Variants in KRR1 observed in about 807,000 individuals in gnomAD.
KRR1 encodes the protein KRR1 small subunit processome component, also known as KRR1 small subunit processome component homolog.
In KRR1, 23 loss-of-function variants were observed where a neutral mutation model predicts 50.0. That is an observed-to-expected ratio of 0.46 (90% CI 0.33 to 0.65). The LOEUF (loss-of-function observed/expected upper bound fraction) is 0.65, where lower values mean the gene tolerates loss of function less well. Ranked by LOEUF, KRR1 falls within the 30% of genes least tolerant of loss-of-function variation. The probability of loss-of-function intolerance (pLI) is 0.02; values close to 1 mark genes in which losing one functional copy is unlikely to be tolerated. For missense variants in KRR1, 419 were observed against 442.4 expected, an observed-to-expected ratio of 0.95 and a Z score of 0.47; for synonymous variants, 133 against 146.3, an observed-to-expected ratio of 0.91 and a Z score of 0.66.
chr12:75,499,811 AC>A lies in KRR1; in HGVS notation c.1143del (p.Lys381AsnfsTer8). 6.3e-7 allele frequency: 1 copy of A among 1,597,006 alleles called. No individual in the cohort carries two copies. Among genetic ancestry groups the A allele is most frequent in the South Asian group, 1.1e-5 (1 of 87,912 alleles). The part of the protein sequence containing the change: ...EADEKKKKKK[K>X] ...CTAGTCAAGGAGTTTTGGGTATGTT[AC>A]TTTTTTTTCTTCTTTTTCTTTTCAT... is the stretch of plus-strand genomic sequence containing the variant. On this transcript the variant is annotated frameshift_variant, in exon 10 of 10. Transcript: ENST00000229214. LOFTEE classifies it high-confidence loss of function.
Position 75,498,790 on chromosome 12 carries a change from ATGT to A in KRR1, c.*1016_*1018del, listed in dbSNP as rs1450597723. ...TTCTGTCAGTGCATTATGAGGAACA[ATGT>A]CTAAGAGGATATTCTATGTTTGTTT... On this transcript the variant is annotated 3_prime_UTR_variant, in exon 10 of 10. Coordinates refer to ENST00000229214, the MANE Select transcript of KRR1 (RefSeq NM_007043.7). The A allele has an allele frequency of 6.2e-7, 1 of 1,610,734 alleles. No homozygotes were observed. The highest frequency in any genetic ancestry group is 8.5e-7 in the Non-Finnish European group (1 of 1,177,318).
At chr12:75,503,173 G>A (rs1241048442) in intron 7 of KRR1, 1 of 152,116 alleles carries the variant, frequency 6.6e-6, no homozygotes, top group Non-Finnish European at 1.5e-5. Flanking sequence ...CGTGAGAGAA[G>A]AGGAAACAGA....
Position 75,491,172 on chromosome 12 carries a change from G to T in KRR1, c.*8637C>A, listed in dbSNP as rs1267179180. 1 of 133,682 alleles carries T rather than the reference G, an allele frequency of 7.5e-6. No homozygotes were observed. Among genetic ancestry groups the T allele is most frequent in the African/African-American group, 2.5e-5 (1 of 39,252 alleles). 8.3% of individuals were successfully genotyped at this position (133,682 alleles called of 1,614,324 possible). ...TTTAAGTGATTTTAATCATAAAAATGATAGATTGTTTATATAATGCTTACA... is the reference window on the plus strand; with the variant it reads ...TTTAAGTGATTTTAATCATAAAAATTATAGATTGTTTATATAATGCTTACA... On this transcript the variant is annotated 3_prime_UTR_variant, in exon 10 of 10. Coordinates refer to ENST00000229214, the MANE Select transcript of KRR1 (RefSeq NM_007043.7).
In KRR1 at chr12:75,505,229, A is replaced by G. The variant is rs777069443; in HGVS notation, c.629T>C (p.Met210Thr). 3 of 1,572,944 alleles carry G rather than the reference A, an allele frequency of 1.9e-6. No homozygotes were observed. Among genetic ancestry groups the G allele is most frequent in the Non-Finnish European group, 1.7e-6 (2 of 1,155,368 alleles). ...GTTATAAATTGGATGAATATTCTTCATAGTATCAAGGACTACTTTTCTAAC... is the reference window on the plus strand; with the variant it reads ...GTTATAAATTGGATGAATATTCTTCGTAGTATCAAGGACTACTTTTCTAAC... ...KEVRKVVLDT[M>T]KNIHPIYNIK... is the part of the protein sequence containing the mutation. The change falls in exon 6 of 10, where the codon ATG becomes ACG. Residue 210 changes from methionine to threonine, a missense_variant. By Grantham distance (81) the Met-to-Thr change is moderately conservative. Coordinates refer to ENST00000229214, the MANE Select transcript of KRR1 (RefSeq NM_007043.7).
chr12:75,495,785 G>C lies in KRR1; in HGVS notation c.*4024C>G, dbSNP rs1012437663. 5.1e-6 allele frequency: 3 copies of C among 592,148 alleles called. No individual in the cohort carries two copies. The African/African-American group carries it at 5.6e-5, about 11-fold the overall frequency. The allele number at this position is 592,148 out of a possible 1,614,324, so 36.7% of individuals were successfully genotyped here. ...TCTTCAAGGAAACTGGCATCAAGTA[G>C]CAATTAAACCAATGGCTTACTGTTC... On this transcript the variant is annotated 3_prime_UTR_variant, in exon 10 of 10. Transcript: ENST00000229214.
In KRR1 at chr12:75,508,353, A is replaced by T. The variant is rs1182219021; in HGVS notation, c.179T>A (p.Phe60Tyr). 1 of 1,613,804 alleles carries T rather than the reference A, an allele frequency of 6.2e-7. No homozygotes were observed. Among genetic ancestry groups the T allele is most frequent in the Non-Finnish European group, 8.5e-7 (1 of 1,179,832 alleles). ...NPRGLLEESS[F>Y]ATLFPKYREA... is the part of the protein sequence containing the mutation. Reference sequence around the variant, plus strand: ...CCTGTATTTTGGGAACAAAGTTGCGAAACTGCTCTCCTCCAAAAGTCCTCT... The same window carrying T: ...CCTGTATTTTGGGAACAAAGTTGCGTAACTGCTCTCCTCCAAAAGTCCTCT... The change falls in exon 2 of 10, where the codon TTC becomes TAC. Residue 60 changes from phenylalanine to tyrosine, a missense_variant. Physicochemically the swap from Phe to Tyr is conservative, Grantham distance 22 (BLOSUM62 3). Coordinates refer to ENST00000229214, the MANE Select transcript of KRR1 (RefSeq NM_007043.7).
At chr12:75,508,504 CA>C in intron 1 of KRR1, 58 bp from the exon 2 acceptor site, 2 of 1,287,960 alleles carry the variant, frequency 1.6e-6, no homozygotes, top group Non-Finnish European at 2.2e-6. Context: ...ACATACACAT[CA>C]CATTTTAACT....
rs1224237664 is a variant in KRR1 at position 75,498,489 on chromosome 12, A to C, written c.*1320T>G. ...ATAGTTTCCTTTTTATAAAAGGTTT[A>C]TAAAGTTTATGTAAAAAGTCAACTT... On this transcript the variant is annotated 3_prime_UTR_variant, in exon 10 of 10. Transcript: ENST00000229214. 4 of 510,966 alleles carry C rather than the reference A, an allele frequency of 7.8e-6. No individual in the cohort carries two copies. The highest frequency in any genetic ancestry group is 3.3e-5 in the South Asian group (1 of 30,214). The allele number at this position is 510,966 out of a possible 1,614,324, so 31.7% of individuals were successfully genotyped here. A position where few individuals can be genotyped will look rare whatever the true frequency, so the allele number is the denominator to read the frequency against.
chr12:75,498,712 A>G lies in KRR1; in HGVS notation c.*1097T>C. ...TTTACAGTTAACCGACAGCGAGACCAAGTCAAACGTACGTACATCAATCTT... is the reference window on the plus strand; with the variant it reads ...TTTACAGTTAACCGACAGCGAGACCGAGTCAAACGTACGTACATCAATCTT... On this transcript the variant is annotated 3_prime_UTR_variant, in exon 10 of 10. Transcript: ENST00000229214. 2 of 1,613,018 alleles carry G rather than the reference A, an allele frequency of 1.2e-6. No individual in the cohort carries two copies. The highest frequency in any genetic ancestry group is 1.7e-6 in the Non-Finnish European group (2 of 1,179,158).
chr12:75,501,626 G>T, intron 9 of KRR1, 97 bp downstream of exon 9: 1 of 768,616 alleles, frequency 1.3e-6, no homozygotes, highest in Non-Finnish European at 2.1e-6. Flanking sequence ...GAGAACTGAT[G>T]AAAAGATACA....
rs1334920394 is a variant in KRR1 at position 75,498,155 on chromosome 12, T to C, written c.*1654A>G. ...CAGAAGGCTAAAGGCAGTTGTGGAA[T>C]TTATTTCTTCCCAGTGCTCTGATTG... On this transcript the variant is annotated 3_prime_UTR_variant, in exon 10 of 10. Transcript: ENST00000229214. The C allele has an allele frequency of 1.3e-5, 2 of 152,286 alleles. No individual in the cohort carries two copies. The highest frequency in any genetic ancestry group is 2.9e-5 in the Non-Finnish European group (2 of 68,196). The allele number at this position is 152,286 out of a possible 1,614,324, so 9.4% of individuals were successfully genotyped here.
At position 75,506,616 on chromosome 12, in the gene KRR1, C is replaced by CAAAAAA. The variant is rs35071517; in HGVS notation, c.394-13_394-8dup. The CAAAAAA allele has an allele frequency of 7.6e-3, 10,285 of 1,355,288 alleles. 184 individuals are homozygous for CAAAAAA. The highest frequency in any genetic ancestry group is 0.014 in the South Asian group (929 of 64,398). 84.0% of individuals were successfully genotyped at this position (1,355,288 alleles called of 1,614,324 possible). A position where few individuals can be genotyped will look rare whatever the true frequency, so the allele number is the denominator to read the frequency against. ...CCTGAAGAATTCGTACTGCCTTTTGCAAAAAAAAAAAAAAAAAGAAGACAT... is the reference window on the plus strand; with the variant it reads ...CCTGAAGAATTCGTACTGCCTTTTGCAAAAAAAAAAAAAAAAAAAAAAAGAAGACAT... On this transcript the variant is annotated splice_polypyrimidine_tract_variant and splice_region_variant and intron_variant, in intron 3 of 9. Transcript: ENST00000229214.
chr12:75,501,850 T>C lies in KRR1; in HGVS notation c.910-34A>G, dbSNP rs369679719. 8.9e-6 allele frequency: 14 copies of C among 1,572,636 alleles called. No individual in the cohort carries two copies. The African/African-American group carries it at 1.8e-4, about 20-fold the overall frequency. ...ATAAATAAAAAATATATCAGTTAAA[T>C]GTATTTATAGTTAAATAATTCAAGT... On this transcript the variant is annotated intron_variant, in intron 8 of 9. Coordinates refer to ENST00000229214, the MANE Select transcript of KRR1 (RefSeq NM_007043.7).
chr12:75,509,734 A>T (rs1446186794), intron 1 of KRR1, among the ~76,000 whole-genome samples: 1 of 151,682 alleles, frequency 6.6e-6, no homozygotes, highest in East Asian at 1.9e-4. Flanking sequence ...CTGGTACTAC[A>T]GGCATGTGCC....
Position 75,508,423 on chromosome 12 carries a change from G to A in KRR1, c.109C>T (p.Pro37Ser). The A allele has an allele frequency of 1.2e-6, 2 of 1,604,550 alleles. No individual in the cohort carries two copies. The highest frequency in any genetic ancestry group is 1.7e-6 in the Non-Finnish European group (2 of 1,177,240). Residue 37 changes from proline (P) to serine (S), a missense_variant, in exon 2 of 10, where the codon CCT becomes TCT. Coordinates refer to ENST00000229214, the MANE Select transcript of KRR1 (RefSeq NM_007043.7). Reference protein sequence around the residue: ...NQDESELLTVPDGWKEPAFSK... With the variant: ...NQDESELLTVSDGWKEPAFSK... ...AAAGCTGGTTCCTTCCAACCATCAG[G>A]AACCGTAAGGAGTTCTGATTCATCT...
intron 9 of KRR1, chr12:75,500,506 TGTTA>T (rs2046385048): frequency 6.6e-6 from 1 of 151,914 alleles, no homozygotes; most frequent in Admixed American, 6.6e-5. Flanking sequence ...ATTCATTTAA[TGTTA>T]GATTAATTCA....
chr12:75,507,644 T>G (rs1051542512), intron 2 of KRR1, among the ~76,000 whole-genome samples: 4 of 151,942 alleles, frequency 2.6e-5, no homozygotes, highest in African/African-American at 9.7e-5. Context: ...CACAACCAAC[T>G]CCAGAGCAGT....
In KRR1 at chr12:75,495,996, C is replaced by T. The variant is rs1324867404; in HGVS notation, c.*3813G>A. 18 of 125,098 alleles carry T rather than the reference C, an allele frequency of 1.4e-4. 1 individual carries two copies. In the East Asian group the frequency reaches 2.2e-3, roughly 15 times the overall value. 7.7% of individuals were successfully genotyped at this position (125,098 alleles called of 1,614,324 possible). ...ATCCAAACAAACAGAATTCTGTTTT[C>T]GTTTTTTTTTTTGTTTTTTTTTTTT... is the stretch of plus-strand genomic sequence containing the variant. On this transcript the variant is annotated 3_prime_UTR_variant, in exon 10 of 10. Coordinates refer to ENST00000229214, the MANE Select transcript of KRR1 (RefSeq NM_007043.7).
At chr12:75,511,441 G>C in intron 1 of KRR1, 72 bp downstream of exon 1, 1 of 1,335,234 alleles carries the variant, frequency 7.5e-7, no homozygotes, top group Non-Finnish European at 1.1e-6. Context: ...ATAAGTCCAC[G>C]AGGAACGAAA....
Sources: gnomAD v4.1 joint callset for allele counts (sites outside exome capture counted in the v4.1 genomes callset) on GRCh38, gnomAD v4.1.1 for gene constraint, MANE v1.5 for transcripts, NCBI Gene and HGNC (gene_info 2026-07-23, HGNC 2026-07-21) for gene names.